FGD2: variants seen among roughly 807,000 people sequenced by gnomAD.
FGD2 encodes FYVE, RhoGEF and PH domain-containing protein 2.
In FGD2, 52 loss-of-function variants were observed where a neutral mutation model predicts 75.9. The observed-to-expected ratio is 0.69, with a 90% CI of 0.55 to 0.86. The LOEUF is 0.86. Among genes scored for constraint, FGD2 ranks in the 40% least tolerant of loss-of-function variants. FGD2 has a pLI of 0.00. For synonymous variants in FGD2, 347 were observed against 348.6 expected (o/e 1.00, Z 0.05); for missense variants, 790 against 872.0 (o/e 0.91, Z 1.18).
rs188916974 is a variant in FGD2, at chr6:37,005,952, G to A, written c.68+67G>A. 1.6e-4 allele frequency: 255 copies of A among 1,566,606 alleles called. 1 individual carries two copies. The African/African-American group carries it at 2.9e-3, about 18-fold the overall frequency. On this transcript the variant is annotated intron_variant, in intron 1 of 15. Coordinates refer to ENST00000274963, the MANE Select transcript of FGD2 (RefSeq NM_173558.4). ...CAGCCACCCTCCAGCCTTTCTGGCA[G>A]CTCTCTCCCTGGGCCCTGCCCCGGA...
chr6:37,013,976 G>T lies in FGD2; in HGVS notation c.699G>T (p.Ser233=). ...CCCTCCCCAAGAGCAGCGAGGCTTC[G>T]GGCAGCCTGACCCTGCAGCACCACA... The part of the protein sequence containing the change: ...VLTRIQSSEA[S]GSLTLQHHML... The change falls in exon 6 of 16, where the codon TCG becomes TCT. Residue 233 remains serine, a synonymous_variant. Transcript: ENST00000274963. 1 of 1,613,660 alleles carries T rather than the reference G, an allele frequency of 6.2e-7. No individual in the cohort carries two copies. Among genetic ancestry groups the T allele is most frequent in the African/African-American group, 1.3e-5 (1 of 74,984 alleles).
Position 37,028,200 on chromosome 6 carries a change from C to A in FGD2, c.*37C>A. On this transcript the variant is annotated 3_prime_UTR_variant, in exon 16 of 16. Transcript: ENST00000274963. ...CCGCTCTCCTGCCCACCTCTCCCCA[C>A]CCTGAACCCAGCTCCTGCCACAGAC... 1.3e-6 allele frequency: 2 copies of A among 1,486,470 alleles called. No homozygotes were observed. Among genetic ancestry groups the A allele is most frequent in the South Asian group, 2.6e-5 (2 of 75,964 alleles). 92.1% of individuals were successfully genotyped at this position (1,486,470 alleles called of 1,614,324 possible).
At chr6:37,017,922 C>T (rs1420420096) in intron 9 of FGD2, among the ~76,000 whole-genome samples, 2 of 152,208 alleles carry the variant, frequency 1.3e-5, no homozygotes, top group African/African-American at 4.8e-5. Flanking sequence ...CTCACCCCGA[C>T]ACCTGAGCTG....
At chr6:37,014,529 G>A in intron 6 of FGD2, 117 bp from the exon 7 acceptor site, 2 of 1,186,270 alleles carry the variant, frequency 1.7e-6, no homozygotes, top group Non-Finnish European at 2.4e-6. Flanking sequence ...AGGCAGGGCT[G>A]CTCCTGGGGG....
rs997198978 is a variant in FGD2, at chr6:37,028,423, A to G, written c.*260A>G. The stretch of plus-strand genomic sequence containing the variant: ...GGGCCATGGGACTTCCAGTGCTAAA[A>G]CTGGGAAAGCCCCAGGTAACCCCGG... On this transcript the variant is annotated 3_prime_UTR_variant, in exon 16 of 16. Coordinates refer to ENST00000274963, the MANE Select transcript of FGD2 (RefSeq NM_173558.4). The G allele has an allele frequency of 4.4e-5, 20 of 457,046 alleles. No individual in the cohort carries two copies. Among genetic ancestry groups the G allele is most frequent in the African/African-American group, 3.5e-4 (18 of 51,658 alleles). 28.3% of individuals were successfully genotyped at this position (457,046 alleles called of 1,614,324 possible). A position where few individuals can be genotyped will look rare whatever the true frequency, so the allele number is the denominator to read the frequency against.
chr6:37,009,831 T>C (rs964855831), intron 2 of FGD2: 1 of 151,972 alleles, frequency 6.6e-6, no homozygotes, highest in African/African-American at 2.4e-5. Context: ...CTGGCCAACA[T>C]AGGGAAACAC....
rs371219616 is a variant in FGD2 at position 37,011,736 on chromosome 6, C to T, written c.409C>T (p.Arg137Cys). The change falls in exon 4 of 16, where the codon CGC becomes TGC. Residue 137 changes from arginine to cysteine, a missense_variant. By Grantham distance (180) the Arg-to-Cys change is radical. Transcript: ENST00000274963. ...TTTCCAGGAGCTGCTGAAGACAGCC[C>T]GCAGCAGCAAGGCCTTCCCAGAGGA... ...VFFQELLKTA[R>C]SSKAFPEDVV... 1.1e-5 allele frequency: 18 copies of T among 1,614,008 alleles called. No homozygotes were observed. The African/African-American group carries it at 1.2e-4, about 11-fold the overall frequency.
chr6:37,021,595 G>A lies in FGD2; in HGVS notation c.1317G>A (p.Gln439=). ...AAAQGPEGDI[Q]EQELQSEELG... ...CCCAGGGGCCTGAGGGAGACATCCA[G>A]GAGCAGGAGGTAAATGAAGGCTTTT... The change falls in exon 12 of 16, where the codon CAG becomes CAA. Residue 439 remains glutamine, a synonymous_variant. Coordinates refer to ENST00000274963, the MANE Select transcript of FGD2 (RefSeq NM_173558.4). The A allele has an allele frequency of 6.2e-7, 1 of 1,613,790 alleles. No homozygotes were observed. The highest frequency in any genetic ancestry group is 8.5e-7 in the Non-Finnish European group (1 of 1,179,806).
intron 9 of FGD2, among the ~76,000 whole-genome samples, chr6:37,019,303 T>C (rs1434804668): frequency 1.3e-5 from 2 of 152,194 alleles, no homozygotes; most frequent in Non-Finnish European, 2.9e-5. Flanking sequence ...CCCAAATACC[T>C]CTTTCCACAT....
intron 8 of FGD2, 81 bp from the exon 9 acceptor site, chr6:37,015,687 C>T: frequency 7.5e-7 from 1 of 1,327,642 alleles, no homozygotes; most frequent in Non-Finnish European, 1.1e-6. Flanking sequence ...TCAGCCCATG[C>T]TCGGCCCACC....
At position 37,025,989 on chromosome 6, in the gene FGD2, T is replaced by A. The variant is rs746012920; in HGVS notation, c.1605+51T>A. The A allele has an allele frequency of 3.3e-5, 53 of 1,601,968 alleles. No homozygotes were observed. In the South Asian group the frequency reaches 5.7e-4, roughly 17 times the overall value. On this transcript the variant is annotated intron_variant, in intron 14 of 15. Transcript: ENST00000274963. ...CCATCCGTCCTCTGTTCAGGGAATG[T>A]GTGCCCGGCAACCATGCTGGGCTGA...
At position 37,027,506 on chromosome 6, in the gene FGD2, C is replaced by T. The variant is rs751308417; in HGVS notation, c.1683C>T (p.Ser561=). ...TCATCGGGGACAAGTGGGGCAAGAG[C>T]GGCCCCCGGGGCTGGTGTGTGATCC... ...LQLIGDKWGK[S]GPRGWCVIPR... is the part of the protein sequence containing the mutation. Residue 561 remains serine (S), a synonymous_variant, in exon 15 of 16, where the codon AGC becomes AGT. Coordinates refer to ENST00000274963, the MANE Select transcript of FGD2 (RefSeq NM_173558.4). 9 of 1,614,030 alleles carry T rather than the reference C, an allele frequency of 5.6e-6. No individual in the cohort carries two copies. Among genetic ancestry groups the T allele is most frequent in the East Asian group, 2.2e-5 (1 of 44,876 alleles).
chr6:37,023,698 A>G (rs1765693773), intron 13 of FGD2: 1 of 152,248 alleles, frequency 6.6e-6, no homozygotes, highest in African/African-American at 2.4e-5. Flanking sequence ...GGACCTGGGA[A>G]CACACCTGCC....
intron 9 of FGD2, among the ~76,000 whole-genome samples, chr6:37,018,316 T>A (rs1243203633): frequency 6.6e-6 from 1 of 152,120 alleles, no homozygotes; most frequent in South Asian, 2.1e-4. Context: ...TCGGCTAACA[T>A]GTCTGATACT....
chr6:37,021,397 C>T lies in FGD2; in HGVS notation c.1234-115C>T, dbSNP rs529648239. ...GCCCGCGTGTGTGTAGAATCCAGCG[C>T]CTGGTACCCAGTGGGCTTTCAGCCC... On this transcript the variant is annotated intron_variant, in intron 11 of 15. Coordinates refer to ENST00000274963, the MANE Select transcript of FGD2 (RefSeq NM_173558.4). 7.6e-5 allele frequency: 66 copies of T among 866,788 alleles called. No homozygotes were observed. The South Asian group carries it at 1.1e-3, about 14-fold the overall frequency. The allele number at this position is 866,788 out of a possible 1,614,324, so 53.7% of individuals were successfully genotyped here. A position where few individuals can be genotyped will look rare whatever the true frequency, so the allele number is the denominator to read the frequency against.
rs550335367 is a variant in FGD2, at chr6:37,020,416, T to C, written c.1123-125T>C. On this transcript the variant is annotated intron_variant, in intron 9 of 15. Transcript: ENST00000274963. ...GATTAGAGAGGTGGCGAACAAGCTCTGCATCCCTGTCTCTCGAATTTGAAT... is the reference window on the plus strand; with the variant it reads ...GATTAGAGAGGTGGCGAACAAGCTCCGCATCCCTGTCTCTCGAATTTGAAT... 2.5e-4 allele frequency: 224 copies of C among 906,000 alleles called. 1 individual carries two copies. In the African/African-American group the frequency reaches 3.4e-3, roughly 14 times the overall value. The allele number at this position is 906,000 out of a possible 1,614,324, so 56.1% of individuals were successfully genotyped here.
At chr6:37,018,181 T>C (rs903986873) in intron 9 of FGD2, among the ~76,000 whole-genome samples, 2 of 152,048 alleles carry the variant, frequency 1.3e-5, no homozygotes, top group South Asian at 2.1e-4. Context: ...CTAAGAAATA[T>C]AGAAACCAAA....
intron 1 of FGD2, among the ~76,000 whole-genome samples, chr6:37,007,221 C>T (rs1472102932): frequency 1.3e-5 from 2 of 152,176 alleles, no homozygotes; most frequent in African/African-American, 4.8e-5. Flanking sequence ...CTAGGAATGG[C>T]CCGGATGCTG....
rs564286358 is a variant in FGD2, at chr6:37,017,220, T to C, written c.1122+1360T>C. 5.9e-5 allele frequency among the ~76,000 whole-genome samples: 9 copies of C among 152,318 alleles called. No individual in the cohort carries two copies. The South Asian group carries it at 1.7e-3, about 28-fold the overall frequency. ...CCCACTGTGCAGATGCACCGGAATT[T>C]CTTCAACCAGTCTTCTGCTGAGAGA... is the stretch of plus-strand genomic sequence containing the variant. On this transcript the variant is annotated intron_variant, in intron 9 of 15. Transcript: ENST00000274963.
Sources: gnomAD v4.1 joint callset for allele counts (sites outside exome capture counted in the v4.1 genomes callset) on GRCh38, gnomAD v4.1.1 for gene constraint, MANE v1.5 for transcripts, NCBI Gene and HGNC (gene_info 2026-07-23, HGNC 2026-07-21) for gene names.